Variants in NUDCD1 observed in about 807,000 individuals in gnomAD.
The protein encoded by NUDCD1 is nudC domain-containing protein 1.
A neutral mutation model predicts 67.8 loss-of-function variants in NUDCD1; 60 were observed. The observed-to-expected ratio is 0.88, with a 90% CI of 0.72 to 1.10. The LOEUF (loss-of-function observed/expected upper bound fraction) is 1.10. NUDCD1 is among the 50% of genes least tolerant of loss of function. The probability of loss-of-function intolerance (pLI) is 0.00; values close to 1 mark genes in which losing one functional copy is unlikely to be tolerated. For synonymous variants in NUDCD1, 244 were observed against 230.8 expected (o/e 1.06, Z -0.52); for missense variants, 643 against 695.0 (o/e 0.93, Z 0.84).
chr8:109,310,810 C>CTTTTTTTT (rs59611956), intron 2 of NUDCD1, among the ~76,000 whole-genome samples: 2 of 75,178 alleles, frequency 2.7e-5, no homozygotes, highest in African/African-American at 5.1e-5. Flanking sequence ...ATAGACAATT[C>CTTTTTTTT]TTTTTTTTTT....
chr8:109,300,797 A>G (rs948311850), intron 2 of NUDCD1, among the ~76,000 whole-genome samples: 5 of 152,220 alleles, frequency 3.3e-5, no homozygotes, highest in African/African-American at 1.2e-4. Context: ...GCACATTGTC[A>G]TCAAGCTATC....
intron 8 of NUDCD1, among the ~76,000 whole-genome samples, chr8:109,255,110 G>A (rs1813699818): frequency 6.6e-6 from 1 of 152,148 alleles, no homozygotes; most frequent in Non-Finnish European, 1.5e-5. Context: ...CCAAACTCAT[G>A]TTCTTTACCA....
intron 2 of NUDCD1, among the ~76,000 whole-genome samples, chr8:109,316,783 T>C (rs145956523): frequency 1.2e-4 from 19 of 152,194 alleles, no homozygotes; most frequent in African/African-American, 4.3e-4. Context: ...CTTGATAAAA[T>C]GCAGGTTCCC....
At chr8:109,328,294 C>T (rs1815723986) in intron 1 of NUDCD1, among the ~76,000 whole-genome samples, 3 of 152,252 alleles carry the variant, frequency 2.0e-5, no homozygotes, top group South Asian at 4.1e-4. Flanking sequence ...TAGTGTAAAT[C>T]TTCACCAGCT....
At chr8:109,250,592 T>C (rs1481826086) in intron 8 of NUDCD1, among the ~76,000 whole-genome samples, 1 of 152,242 alleles carries the variant, frequency 6.6e-6, no homozygotes, top group Admixed American at 6.5e-5. Flanking sequence ...TTCAGTCTTT[T>C]ACCATGAAGT....
intron 6 of NUDCD1, among the ~76,000 whole-genome samples, chr8:109,279,479 T>C (rs1205414464): frequency 2.2e-5 from 3 of 135,764 alleles, no homozygotes; most frequent in South Asian, 5.2e-4. Flanking sequence ...CCTTATACAC[T>C]AAGAATGAAA....
intron 8 of NUDCD1, 103 bp downstream of exon 8, chr8:109,270,902 G>A: frequency 2.9e-6 from 2 of 701,736 alleles, no homozygotes; most frequent in Non-Finnish European, 2.3e-6. Context: ...ACTTATCAAA[G>A]CCAGTAACTG....
Position 109,254,919 on chromosome 8 carries a change from CTG to C in NUDCD1, c.1300-9440_1300-9439del, listed in dbSNP as rs1158894124. On this transcript the variant is annotated intron_variant, in intron 8 of 9. Coordinates refer to ENST00000239690, the MANE Select transcript of NUDCD1 (RefSeq NM_032869.4). ...CAGAATAAATTGTAAAAATTATTTA[CTG>C]TGTTCTTACTATGCATCAAGTATTT... Among the ~76,000 whole-genome samples, 7 of 152,158 alleles carry C rather than the reference CTG, an allele frequency of 4.6e-5. No individual in the cohort carries two copies. In the East Asian group the frequency reaches 1.4e-3, roughly 29 times the overall value.
At position 109,293,339 on chromosome 8, in the gene NUDCD1, T is replaced by C. The variant is rs771718612; in HGVS notation, c.640+5A>G. On this transcript the variant is annotated splice_donor_5th_base_variant and intron_variant, in intron 4 of 9. Transcript: ENST00000239690. ...AGTAGAGACAGATTCAGACTTTTGT[T>C]TTACCTTGATTTTTCTTACTGATAG... 3 of 1,515,900 alleles carry C rather than the reference T, an allele frequency of 2.0e-6. No homozygotes were observed. Among genetic ancestry groups the C allele is most frequent in the Non-Finnish European group, 2.7e-6 (3 of 1,124,794 alleles). 93.9% of individuals were successfully genotyped at this position (1,515,900 alleles called of 1,614,324 possible).
At chr8:109,256,713 GCAC>G in intron 8 of NUDCD1, among the ~76,000 whole-genome samples, 1 of 151,566 alleles carries the variant, frequency 6.6e-6, no homozygotes, top group East Asian at 1.9e-4. Flanking sequence ...ATGAAATATC[GCAC>G]CACAAGAAAA....
At chr8:109,279,623 G>A (rs749737013) in intron 6 of NUDCD1, among the ~76,000 whole-genome samples, 2 of 151,838 alleles carry the variant, frequency 1.3e-5, no homozygotes, top group Non-Finnish European at 2.9e-5. Context: ...TTTTGATGAA[G>A]TCTAACTTAT....
intron 8 of NUDCD1, among the ~76,000 whole-genome samples, chr8:109,247,261 C>T (rs1419090324): frequency 6.6e-6 from 1 of 152,082 alleles, no homozygotes; most frequent in Non-Finnish European, 1.5e-5. Flanking sequence ...GAAAAATAAA[C>T]AACAGCTAAA....
rs537411863 is a variant in NUDCD1 at position 109,306,804 on chromosome 8, G to A, written c.274-10235C>T. Among the ~76,000 whole-genome samples, 23 of 152,006 alleles carry A rather than the reference G, an allele frequency of 1.5e-4. No homozygotes were observed. The South Asian group carries it at 3.5e-3, about 23-fold the overall frequency. On this transcript the variant is annotated intron_variant, in intron 2 of 9. Transcript: ENST00000239690. ...CAGGCCATCACCAATCATTCTATACGACAAATGCTCCTTCTAACAACCCCA... is the reference window on the plus strand; with the variant it reads ...CAGGCCATCACCAATCATTCTATACAACAAATGCTCCTTCTAACAACCCCA...
At chr8:109,274,800 T>C (rs973148466) in intron 7 of NUDCD1, among the ~76,000 whole-genome samples, 4 of 152,172 alleles carry the variant, frequency 2.6e-5, no homozygotes, top group Admixed American at 1.3e-4. Context: ...CAAGTTCTGA[T>C]GTACTGCTGT....
At chr8:109,312,868 C>T (rs1410864281) in intron 2 of NUDCD1, among the ~76,000 whole-genome samples, 2 of 152,212 alleles carry the variant, frequency 1.3e-5, no homozygotes, top group East Asian at 3.9e-4. Context: ...CAGCACTTCA[C>T]AGTAATATCT....
intron 6 of NUDCD1, among the ~76,000 whole-genome samples, chr8:109,277,752 G>C (rs550146049): frequency 5.9e-4 from 90 of 152,226 alleles, no homozygotes; most frequent in African/African-American, 2.1e-3. Context: ...TATTCCCCCA[G>C]ACCTTTGCTG....
chr8:109,257,377 T>C (rs2980602), intron 8 of NUDCD1, among the ~76,000 whole-genome samples: 96,616 of 151,916 alleles, frequency 0.64, 32,157 homozygotes, highest in African/African-American at 0.84. Flanking sequence ...ATATTAGAAT[T>C]CCAAAATACA....
intron 4 of NUDCD1, among the ~76,000 whole-genome samples, chr8:109,292,018 C>T (rs1814723022): frequency 6.6e-6 from 1 of 151,834 alleles, no homozygotes; most frequent in African/African-American, 2.4e-5. Context: ...TGAATCTAGG[C>T]CTATTTTTGT....
At chr8:109,283,788 C>T (rs1254040603) in intron 5 of NUDCD1, among the ~76,000 whole-genome samples, 1 of 152,040 alleles carries the variant, frequency 6.6e-6, no homozygotes, top group African/African-American at 2.4e-5. Flanking sequence ...AAGTTCTAAA[C>T]AGGGAAACAA....
Sources: allele counts gnomAD v4.1 joint callset (sites outside exome capture counted in the v4.1 genomes callset), GRCh38; gene constraint gnomAD v4.1.1; transcripts MANE v1.5; gene names NCBI Gene and HGNC (gene_info 2026-07-23, HGNC 2026-07-21).